The following POU2F1 variants were observed in gnomAD, a reference collection of about 807,000 sequenced individuals.
POU2F1 encodes POU domain, class 2, transcription factor 1.
A neutral mutation model predicts 84.9 loss-of-function variants in POU2F1; 16 were observed. That is an observed-to-expected ratio of 0.19 (90% CI 0.13 to 0.29). The LOEUF (loss-of-function observed/expected upper bound fraction) is 0.29, where lower values mean the gene tolerates loss of function less well. POU2F1 is among the 10% of genes least tolerant of loss of function. The probability of loss-of-function intolerance (pLI) is 1.00; values close to 1 mark genes in which losing one functional copy is unlikely to be tolerated. For missense variants in POU2F1, 738 were observed against 942.6 expected, an observed-to-expected ratio of 0.78 and a Z score of 2.84; for synonymous variants, 368 against 368.3, an observed-to-expected ratio of 1.00 and a Z score of 0.01.
At chr1:167,248,719 A>G (rs1050851159) in intron 1 of POU2F1, among the ~76,000 whole-genome samples, 2 of 152,216 alleles carry the variant, frequency 1.3e-5, no homozygotes, top group African/African-American at 2.4e-5. Context: ...AACAAACACA[A>G]GAGCATCTAA....
intron 1 of POU2F1, among the ~76,000 whole-genome samples, chr1:167,246,626 G>T (rs368171613): frequency 1.3e-5 from 2 of 152,278 alleles, no homozygotes; most frequent in African/African-American, 2.4e-5. Context: ...GATTTTCAGT[G>T]CTGACTGACA....
At chr1:167,401,329 C>T in intron 12 of POU2F1, 122 bp from the exon 13 acceptor site, 1 of 583,742 alleles carries the variant, frequency 1.7e-6, no homozygotes, top group Non-Finnish European at 3.0e-6. Flanking sequence ...CTTCGAATAG[C>T]AGCTTTCCAA....
chr1:167,329,186 G>A, intron 1 of POU2F1: 1 of 1,510,476 alleles, frequency 6.6e-7, no homozygotes, highest in Non-Finnish European at 8.9e-7. Context: ...CTGTAGATTT[G>A]TTAGAAATAG....
At chr1:167,297,699 A>G (rs980845850) in intron 1 of POU2F1, among the ~76,000 whole-genome samples, 3 of 152,220 alleles carry the variant, frequency 2.0e-5, no homozygotes, top group Non-Finnish European at 4.4e-5. Context: ...TGGAATGGCA[A>G]CCAGCATGTA....
At chr1:167,292,188 A>G (rs1653973182) in intron 1 of POU2F1, among the ~76,000 whole-genome samples, 1 of 152,064 alleles carries the variant, frequency 6.6e-6, no homozygotes, top group South Asian at 2.1e-4. Flanking sequence ...TTTTGTCTCT[A>G]TTATGATATC....
chr1:167,270,551 G>C (rs1233689985), intron 1 of POU2F1, among the ~76,000 whole-genome samples: 1 of 152,162 alleles, frequency 6.6e-6, no homozygotes, highest in Non-Finnish European at 1.5e-5. Context: ...AAGAGACAGA[G>C]AGAGAGAGAC....
At chr1:167,351,332 G>A (rs1030986068) in intron 2 of POU2F1, among the ~76,000 whole-genome samples, 1 of 151,734 alleles carries the variant, frequency 6.6e-6, no homozygotes, top group Admixed American at 6.6e-5. Context: ...TCCAACTTGG[G>A]CAACAAGAGC....
chr1:167,324,675 G>T (rs1006076572), intron 1 of POU2F1, among the ~76,000 whole-genome samples: 3 of 151,962 alleles, frequency 2.0e-5, no homozygotes, highest in African/African-American at 7.3e-5. Context: ...CCATACCTCG[G>T]CTCTCTGTTT....
intron 13 of POU2F1, among the ~76,000 whole-genome samples, chr1:167,405,805 A>G (rs1300023098): frequency 6.6e-6 from 1 of 152,248 alleles, no homozygotes; most frequent in Non-Finnish European, 1.5e-5. Flanking sequence ...CATCCTTTTT[A>G]TGTACACATG....
chr1:167,324,213 A>G (rs868623667), intron 1 of POU2F1, among the ~76,000 whole-genome samples: 1 of 152,206 alleles, frequency 6.6e-6, no homozygotes, highest in Non-Finnish European at 1.5e-5. Context: ...CTCATGTGTC[A>G]TATAATTCTT....
At chr1:167,299,619 A>G (rs952894716) in intron 1 of POU2F1, among the ~76,000 whole-genome samples, 1 of 151,570 alleles carries the variant, frequency 6.6e-6, no homozygotes, top group Non-Finnish European at 1.5e-5. Context: ...TGACAGACAC[A>G]CTGAACTACT....
intron 2 of POU2F1, among the ~76,000 whole-genome samples, chr1:167,340,517 C>T (rs1021350515): frequency 4.0e-5 from 6 of 150,420 alleles, no homozygotes; most frequent in Non-Finnish European, 2.9e-5. Flanking sequence ...CTGCAACCTC[C>T]ACCTCCTGCA....
intron 1 of POU2F1, among the ~76,000 whole-genome samples, chr1:167,286,151 T>G (rs1653511965): frequency 6.6e-6 from 1 of 152,184 alleles, no homozygotes; most frequent in Non-Finnish European, 1.5e-5. Flanking sequence ...GGTGATATAG[T>G]CAGTTTCATT....
intron 1 of POU2F1, among the ~76,000 whole-genome samples, chr1:167,239,622 T>TA (rs1649755300): frequency 6.6e-6 from 1 of 152,204 alleles, no homozygotes; most frequent in African/African-American, 2.4e-5. Context: ...AAAAGCAGAA[T>TA]ACATAGCCCC....
At chr1:167,355,796 T>C (rs1039630041) in intron 2 of POU2F1, among the ~76,000 whole-genome samples, 2 of 152,206 alleles carry the variant, frequency 1.3e-5, no homozygotes, top group Non-Finnish European at 2.9e-5. Context: ...TGCCCAGCCA[T>C]GTCTTTGTTT....
intron 1 of POU2F1, among the ~76,000 whole-genome samples, chr1:167,235,708 A>G (rs1183852482): frequency 6.6e-6 from 1 of 152,128 alleles, no homozygotes; most frequent in Non-Finnish European, 1.5e-5. Context: ...TTTTTCCCCC[A>G]TTGCTCTCTA....
chr1:167,285,571 T>C (rs1557868886), intron 1 of POU2F1, among the ~76,000 whole-genome samples: 1 of 151,210 alleles, frequency 6.6e-6, no homozygotes, highest in Non-Finnish European at 1.5e-5. Context: ...CCAGCCTGGG[T>C]GACAGACAGA....
chr1:167,236,387 C>T (rs1283208212), intron 1 of POU2F1, among the ~76,000 whole-genome samples: 1 of 152,110 alleles, frequency 6.6e-6, no homozygotes, highest in Non-Finnish European at 1.5e-5. Flanking sequence ...AGACATGAGC[C>T]ACCGCGCCCG....
At position 167,376,082 on chromosome 1, in the gene POU2F1, T is replaced by C. The variant is rs1424487947; in HGVS notation, c.645T>C (p.Phe215=). ...LQQQNLNLQQ[F]VLVHPTTNLQ... ...AGCAGAATCTCAACCTGCAACAGTT[T>C]GTGTTGGTGCATCCAACCACCAATT... Residue 215 remains phenylalanine, a synonymous_variant, in exon 7 of 16, where the codon TTT becomes TTC. Coordinates refer to ENST00000367866, the MANE Select transcript of POU2F1 (RefSeq NM_002697.4). The C allele has an allele frequency of 6.8e-6, 11 of 1,614,194 alleles. No individual in the cohort carries two copies. The highest frequency in any genetic ancestry group is 9.3e-6 in the Non-Finnish European group (11 of 1,180,004).
Sources: gnomAD v4.1 joint callset for allele counts (sites outside exome capture counted in the v4.1 genomes callset) on GRCh38, gnomAD v4.1.1 for gene constraint, MANE v1.5 for transcripts, NCBI Gene and HGNC (gene_info 2026-07-23, HGNC 2026-07-21) for gene names.